Variants in MLLT3 observed in about 807,000 individuals in gnomAD.
MLLT3 encodes protein AF-9.
Under a neutral mutation model 53.2 loss-of-function variants are expected in MLLT3, and 4 were observed. The ratio of observed to expected loss-of-function variants is 0.08; its 90% CI spans 0.04 to 0.17. The LOEUF (loss-of-function observed/expected upper bound fraction) is 0.17. Ranked by LOEUF, MLLT3 falls within the 10% of genes least tolerant of loss-of-function variation. MLLT3 has a pLI of 1.00. For synonymous variants in MLLT3, 283 were observed against 230.6 expected, an observed-to-expected ratio of 1.23 and a Z score of -2.06; for missense variants, 569 against 684.0, an observed-to-expected ratio of 0.83 and a Z score of 1.87.
chr9:20,413,617 TTA>T, intron 5 of MLLT3, 102 bp downstream of exon 5: 1 of 981,926 alleles, frequency 1.0e-6, no homozygotes, highest in Non-Finnish European at 1.5e-6. Flanking sequence ...TGCTACCATT[TTA>T]TGGCTCAGCA....
At chr9:20,404,472 T>G (rs1278609041) in intron 5 of MLLT3, among the ~76,000 whole-genome samples, 1 of 152,182 alleles carries the variant, frequency 6.6e-6, no homozygotes, top group African/African-American at 2.4e-5. Flanking sequence ...AAATCCACAT[T>G]TTACGGCTCT....
At chr9:20,355,115 A>AAAAC (rs1443664887) in intron 8 of MLLT3, among the ~76,000 whole-genome samples, 1 of 151,744 alleles carries the variant, frequency 6.6e-6, no homozygotes. Flanking sequence ...AAAAAAAAAA[A>AAAAC]AACAACACAG....
At chr9:20,511,674 T>C (rs78622354) in intron 2 of MLLT3, among the ~76,000 whole-genome samples, 3,677 of 152,210 alleles carry the variant, frequency 0.024, 141 homozygotes, top group African/African-American at 0.083. Flanking sequence ...ACATAGTCCC[T>C]AAGAAAATAT....
chr9:20,440,266 T>C (rs539219837), intron 4 of MLLT3, among the ~76,000 whole-genome samples: 15 of 152,322 alleles, frequency 9.8e-5, no homozygotes, highest in African/African-American at 3.6e-4. Context: ...CTTTCTGTTA[T>C]ACCATGGCTA....
intron 5 of MLLT3, among the ~76,000 whole-genome samples, chr9:20,375,830 C>A (rs1205319762): frequency 2.0e-5 from 3 of 151,700 alleles, no homozygotes; most frequent in African/African-American, 7.3e-5. Flanking sequence ...GGATGGTCTC[C>A]ATCTCCTGAC....
At chr9:20,390,889 T>C (rs903507833) in intron 5 of MLLT3, among the ~76,000 whole-genome samples, 3 of 152,110 alleles carry the variant, frequency 2.0e-5, no homozygotes, top group Non-Finnish European at 4.4e-5. Flanking sequence ...GAAGTGAAAA[T>C]ATCACTTGAA....
At chr9:20,394,865 A>T (rs1263661158) in intron 5 of MLLT3, among the ~76,000 whole-genome samples, 1 of 152,116 alleles carries the variant, frequency 6.6e-6, no homozygotes, top group African/African-American at 2.4e-5. Context: ...ACTTTTTAAA[A>T]TGGGCCCATT....
chr9:20,430,334 AT>A (rs901931300), intron 4 of MLLT3, among the ~76,000 whole-genome samples: 2 of 152,160 alleles, frequency 1.3e-5, no homozygotes, highest in African/African-American at 4.8e-5. Flanking sequence ...GAAGAAAAAA[AT>A]GATCTACTAG....
intron 2 of MLLT3, among the ~76,000 whole-genome samples, chr9:20,555,388 TCAAA>T (rs1465984123): frequency 6.6e-6 from 1 of 152,046 alleles, no homozygotes; most frequent in Non-Finnish European, 1.5e-5. Context: ...ACTCCTGGGT[TCAAA>T]CAGTTCTCCC....
chr9:20,361,865 G>C (rs1449085389), intron 7 of MLLT3, among the ~76,000 whole-genome samples: 1 of 152,112 alleles, frequency 6.6e-6, no homozygotes, highest in Non-Finnish European at 1.5e-5. Context: ...AATCAGGATA[G>C]TTTTTCTTTC....
chr9:20,408,871 T>G (rs1298230282), intron 5 of MLLT3, among the ~76,000 whole-genome samples: 2 of 149,086 alleles, frequency 1.3e-5, no homozygotes, highest in African/African-American at 4.9e-5. Context: ...AGAAGGGAAG[T>G]TTTTTTTTTC....
chr9:20,514,463 A>G (rs1387667615), intron 2 of MLLT3, among the ~76,000 whole-genome samples: 1 of 152,092 alleles, frequency 6.6e-6, no homozygotes, highest in Non-Finnish European at 1.5e-5. Flanking sequence ...TGAGACTAAT[A>G]TTCAACAAAA....
At chr9:20,475,591 T>C (rs1824500616) in intron 2 of MLLT3, among the ~76,000 whole-genome samples, 1 of 152,120 alleles carries the variant, frequency 6.6e-6, no homozygotes, top group Non-Finnish European at 1.5e-5. Context: ...CAGAAATATA[T>C]TATTTATAGC....
intron 2 of MLLT3, among the ~76,000 whole-genome samples, chr9:20,563,691 G>T (rs1819277615): frequency 6.6e-6 from 1 of 152,050 alleles, no homozygotes; most frequent in Non-Finnish European, 1.5e-5. Flanking sequence ...ATCCTTCAGT[G>T]AAGGCCTTGT....
rs965610624 is a variant in MLLT3, at chr9:20,483,793, C to T, written c.194-27007G>A. Reference sequence around the variant, plus strand: ...CGCCATCTTGGCTCACTGCAAGGTCCGCCTCCCGAGTTCACGCCATTCTCC... The same window carrying T: ...CGCCATCTTGGCTCACTGCAAGGTCTGCCTCCCGAGTTCACGCCATTCTCC... On this transcript the variant is annotated intron_variant, in intron 2 of 10. Transcript: ENST00000380338. 5.3e-5 allele frequency among the ~76,000 whole-genome samples: 8 copies of T among 150,394 alleles called. No homozygotes were observed. In the East Asian group the frequency reaches 5.9e-4, roughly 11 times the overall value.
chr9:20,502,590 C>G (rs1475951333), intron 2 of MLLT3, among the ~76,000 whole-genome samples: 2 of 152,000 alleles, frequency 1.3e-5, no homozygotes, highest in Admixed American at 6.6e-5. Flanking sequence ...TACAGTATAC[C>G]AACTATTTAT....
intron 2 of MLLT3, among the ~76,000 whole-genome samples, chr9:20,576,910 T>C (rs910725859): frequency 6.6e-6 from 1 of 152,102 alleles, no homozygotes; most frequent in Admixed American, 6.6e-5. Flanking sequence ...GGAAGCTAAG[T>C]CATGAGAATC....
At chr9:20,503,686 C>CA (rs1252437807) in intron 2 of MLLT3, among the ~76,000 whole-genome samples, 1 of 151,448 alleles carries the variant, frequency 6.6e-6, no homozygotes, top group Non-Finnish European at 1.5e-5. Context: ...AAAACAAAAA[C>CA]AAAAAAATAG....
At chr9:20,619,457 C>T (rs1234747334) in intron 2 of MLLT3, among the ~76,000 whole-genome samples, 1 of 152,220 alleles carries the variant, frequency 6.6e-6, no homozygotes, top group East Asian at 1.9e-4. Flanking sequence ...TTTCTTTATT[C>T]AGCCCCCTGA....
Sources: allele counts gnomAD v4.1 joint callset (sites outside exome capture counted in the v4.1 genomes callset), GRCh38; gene constraint gnomAD v4.1.1; transcripts MANE v1.5; gene names NCBI Gene and HGNC (gene_info 2026-07-23, HGNC 2026-07-21).